The following AUTS2 variants were observed in gnomAD, a reference collection of about 807,000 sequenced individuals.
AUTS2 encodes the protein autism susceptibility gene 2 protein.
AUTS2 carries 17 observed loss-of-function variants against 112.4 expected under a neutral mutation model. The ratio of observed to expected loss-of-function variants is 0.15; its 90% confidence interval spans 0.10 to 0.23. The LOEUF (loss-of-function observed/expected upper bound fraction) is 0.23, where lower values mean the gene tolerates loss of function less well. AUTS2 is among the 10% of genes least tolerant of loss of function. The probability of loss-of-function intolerance (pLI) is 1.00; values close to 1 mark genes in which losing one functional copy is unlikely to be tolerated. For synonymous variants in AUTS2, 751 were observed against 702.7 expected (o/e 1.07, Z -1.09); for missense variants, 1,510 against 1,701.6 (o/e 0.89, Z 1.98).
intron 3 of AUTS2, among the ~76,000 whole-genome samples, chr7:70,133,794 G>A (rs1157845894): frequency 6.6e-6 from 1 of 152,044 alleles, no homozygotes. Context: ...TTTTTTGGGG[G>A]GGCTTCTTTT....
Position 70,790,437 on chromosome 7 carries a change from C to G in AUTS2, c.3221C>G (p.Pro1074Arg). The change falls in exon 19 of 19, where the codon CCC becomes CGC. Residue 1074 changes from proline to arginine, a missense_variant. By Grantham distance (103) the Pro-to-Arg change is moderately radical. Transcript: ENST00000342771. The surrounding 1 kb of genome is among the most constrained non-coding windows in gnomAD (Gnocchi z 7.6). ...TTCCACTGGGACCCCATCCGGGACC[C>G]CTTGAGGGATCCTTACCGAGAACTT... ...PSFHWDPIRD[P>R]LRDPYRELDI... is the part of the protein sequence containing the mutation. 1 of 1,612,512 alleles carries G rather than the reference C, an allele frequency of 6.2e-7. No individual in the cohort carries two copies. Among genetic ancestry groups the G allele is most frequent in the Non-Finnish European group, 8.5e-7 (1 of 1,179,302 alleles).
At chr7:70,072,549 A>T (rs750792354) in intron 2 of AUTS2, among the ~76,000 whole-genome samples, 8 of 152,206 alleles carry the variant, frequency 5.3e-5, no homozygotes, top group Non-Finnish European at 7.3e-5. Flanking sequence ...CATCAGAGAG[A>T]TAATGGCACT....
intron 2 of AUTS2, among the ~76,000 whole-genome samples, chr7:70,031,438 G>A (rs770276835): frequency 6.6e-6 from 1 of 152,058 alleles, no homozygotes; most frequent in Admixed American, 6.6e-5. Flanking sequence ...GAGCACTAAC[G>A]TCCTGATTAG....
chr7:70,267,384 G>C (rs1442840224), intron 4 of AUTS2, among the ~76,000 whole-genome samples: 1 of 151,456 alleles, frequency 6.6e-6, no homozygotes, highest in East Asian at 1.9e-4. Context: ...GCTGACACCA[G>C]ATGCAGTCTG....
chr7:70,252,562 C>G (rs1786658228), intron 4 of AUTS2, among the ~76,000 whole-genome samples: 1 of 152,112 alleles, frequency 6.6e-6, no homozygotes, highest in African/African-American at 2.4e-5. Context: ...TTTCTTAACT[C>G]TGCTAATCGC....
At chr7:69,678,390 C>T (rs1344952204) in intron 1 of AUTS2, among the ~76,000 whole-genome samples, 2 of 152,014 alleles carry the variant, frequency 1.3e-5, no homozygotes, top group African/African-American at 2.4e-5. Context: ...ATGGGACCAG[C>T]GTGTGTAAAA....
At chr7:69,751,944 A>G (rs1335980392) in intron 1 of AUTS2, among the ~76,000 whole-genome samples, 1 of 152,232 alleles carries the variant, frequency 6.6e-6, no homozygotes, top group African/African-American at 2.4e-5. Flanking sequence ...TGAAGTTCTT[A>G]TAATAGTGCC....
At chr7:70,360,212 C>A (rs779490137) in intron 4 of AUTS2, among the ~76,000 whole-genome samples, 6 of 152,174 alleles carry the variant, frequency 3.9e-5, no homozygotes, top group Non-Finnish European at 8.8e-5. Context: ...ACTGGAGCCT[C>A]AACCTCCTGG....
At chr7:69,842,145 T>G (rs1792008772) in intron 1 of AUTS2, among the ~76,000 whole-genome samples, 1 of 152,200 alleles carries the variant, frequency 6.6e-6, no homozygotes, top group Admixed American at 6.5e-5. Flanking sequence ...TGAGAATGCC[T>G]TATCTAGAAT....
At chr7:70,696,353 T>C (rs1563134672) in intron 5 of AUTS2, among the ~76,000 whole-genome samples, 2 of 152,118 alleles carry the variant, frequency 1.3e-5, no homozygotes, top group Non-Finnish European at 2.9e-5. Flanking sequence ...TCGTCATCTT[T>C]TGGGTGTTTT....
intron 4 of AUTS2, among the ~76,000 whole-genome samples, chr7:70,345,182 T>C (rs1585040225): frequency 6.6e-6 from 1 of 152,324 alleles, no homozygotes; most frequent in East Asian, 1.9e-4. Flanking sequence ...CCGGCATTTA[T>C]TGGGCTTAGA....
chr7:70,639,335 G>C (rs1805686594), intron 5 of AUTS2, among the ~76,000 whole-genome samples: 1 of 152,036 alleles, frequency 6.6e-6, no homozygotes, highest in Admixed American at 6.6e-5. Context: ...CTGACCCCAA[G>C]AAGGTTGAAG....
At chr7:69,950,057 A>G (rs748364482) in intron 2 of AUTS2, among the ~76,000 whole-genome samples, 2 of 152,180 alleles carry the variant, frequency 1.3e-5, no homozygotes, top group African/African-American at 4.8e-5. Context: ...CAAGAGATCA[A>G]TTGAATGAAT....
chr7:70,367,020 C>T (rs1313304250), intron 4 of AUTS2, among the ~76,000 whole-genome samples: 1 of 152,102 alleles, frequency 6.6e-6, no homozygotes, highest in Non-Finnish European at 1.5e-5. Flanking sequence ...CATGGTGGCT[C>T]ACAGCTGTAA....
intron 4 of AUTS2, among the ~76,000 whole-genome samples, chr7:70,402,821 T>G (rs1794380693): frequency 6.6e-6 from 1 of 152,182 alleles, no homozygotes; most frequent in African/African-American, 2.4e-5. Context: ...GCGCTTGGCA[T>G]GAAGTTGATC....
chr7:69,628,015 A>T lies in AUTS2; in HGVS notation c.309+28053A>T, dbSNP rs551332271. ...ATGATGAGGAGCGGAAAGATGTTTC[A>T]GGCATTTCTTGTATTGTCCCATGTA... On this transcript the variant is annotated intron_variant, in intron 1 of 18. Transcript: ENST00000342771. Among the ~76,000 whole-genome samples the T allele has an allele frequency of 2.1e-4, 32 of 152,338 alleles. No homozygotes were observed. In the South Asian group the frequency reaches 6.2e-3, roughly 30 times the overall value.
chr7:70,517,624 T>C (rs1333322066), intron 5 of AUTS2, among the ~76,000 whole-genome samples: 3 of 149,112 alleles, frequency 2.0e-5, no homozygotes, highest in Non-Finnish European at 4.4e-5. Flanking sequence ...ATATAATGTA[T>C]TATTACATAT....
intron 4 of AUTS2, among the ~76,000 whole-genome samples, chr7:70,167,679 A>C (rs946239580): frequency 6.6e-6 from 1 of 152,208 alleles, no homozygotes; most frequent in African/African-American, 2.4e-5. Context: ...AAATTTCAAT[A>C]AGTGTAAAAG....
intron 2 of AUTS2, among the ~76,000 whole-genome samples, chr7:70,030,457 C>T (rs10275684): frequency 3.7e-4 from 56 of 152,274 alleles, no homozygotes; most frequent in African/African-American, 1.3e-3. Flanking sequence ...CAGTTTTCCG[C>T]TGTGAAGCAT....
Sources: gnomAD v4.1 joint callset for allele counts (sites outside exome capture counted in the v4.1 genomes callset) on GRCh38, gnomAD v4.1.1 for gene constraint, Gnocchi (gnomAD v3.1) non-coding constraint, MANE v1.5 for transcripts, NCBI Gene and HGNC (gene_info 2026-07-23, HGNC 2026-07-21) for gene names.